Variants in COL21A1 observed in about 807,000 individuals in gnomAD.
The protein encoded by COL21A1 is collagen type XXI alpha 1 chain.
A neutral mutation model predicts 137.9 loss-of-function variants in COL21A1; 149 were observed. The ratio of observed to expected loss-of-function variants is 1.08; its 90% CI spans 0.95 to 1.24. COL21A1 has a LOEUF of 1.24. COL21A1 is among the 50% of genes most tolerant of loss of function. The pLI is 0.00. For missense variants in COL21A1, 1,167 were observed against 1,158.4 expected (o/e 1.01, Z -0.11); for synonymous variants, 456 against 391.5 (o/e 1.16, Z -1.95).
chr6:56,322,681 A>T (rs1233709629), intron 1 of COL21A1, among the ~76,000 whole-genome samples: 2 of 152,062 alleles, frequency 1.3e-5, no homozygotes, highest in Admixed American at 1.3e-4. Flanking sequence ...GATTCTTATA[A>T]ACCTTAAACT....
At chr6:56,274,407 G>T (rs1471092097) in intron 1 of COL21A1, among the ~76,000 whole-genome samples, 1 of 152,052 alleles carries the variant, frequency 6.6e-6, no homozygotes, top group Non-Finnish European at 1.5e-5. Context: ...CATCCAAATA[G>T]GAAAAGAAGA....
chr6:56,112,665 GT>G lies in COL21A1; in HGVS notation c.1759-11141del, dbSNP rs756913598. 2.0e-4 allele frequency among the ~76,000 whole-genome samples: 30 copies of G among 149,230 alleles called. No individual in the cohort carries two copies. The Middle Eastern group carries it at 0.01, about 51-fold the overall frequency. ...CAACTGATGCCTGCCCACAGAAGAA[GT>G]TTTTTTTTCTTTTCTTTTTTCTTTT... On this transcript the variant is annotated intron_variant, in intron 16 of 29. Transcript: ENST00000244728.
chr6:56,324,851 C>T (rs1447882986), intron 1 of COL21A1, among the ~76,000 whole-genome samples: 3 of 151,884 alleles, frequency 2.0e-5, no homozygotes, highest in African/African-American at 4.8e-5. Context: ...TATCTTAAAG[C>T]GGGTCAGTAA....
rs1765385278 is a variant in COL21A1, at chr6:56,056,811, A to G, written c.*846T>C. 1 of 152,178 alleles carries G rather than the reference A, an allele frequency of 6.6e-6. No homozygotes were observed. Among genetic ancestry groups the G allele is most frequent in the African/African-American group, 2.4e-5 (1 of 41,458 alleles). The allele number at this position is 152,178 out of a possible 1,614,324, so 9.4% of individuals were successfully genotyped here. A position where few individuals can be genotyped will look rare whatever the true frequency, so the allele number is the denominator to read the frequency against. On this transcript the variant is annotated 3_prime_UTR_variant, in exon 30 of 30. Transcript: ENST00000244728. ...CAACTAGAGCATTAGCTTTATTTCC[A>G]TTAGCTTTGCTACAATGAAAATTAA... is the stretch of plus-strand genomic sequence containing the variant.
chr6:56,199,940 T>C (rs1375343084), intron 1 of COL21A1, among the ~76,000 whole-genome samples: 1 of 152,184 alleles, frequency 6.6e-6, no homozygotes, highest in Admixed American at 6.6e-5. Flanking sequence ...CAGATACTGG[T>C]AAGTGTATAA....
chr6:56,315,288 G>T (rs979688177), intron 1 of COL21A1, among the ~76,000 whole-genome samples: 3 of 152,148 alleles, frequency 2.0e-5, no homozygotes, highest in African/African-American at 7.2e-5. Context: ...CCTTTTGATT[G>T]ATCCCACGGG....
chr6:56,160,038 T>G (rs887523949), intron 9 of COL21A1, among the ~76,000 whole-genome samples: 20 of 152,240 alleles, frequency 1.3e-4, no homozygotes, highest in African/African-American at 4.6e-4. Context: ...TTGTAGGTTC[T>G]GCTATTGCTG....
At chr6:56,243,252 A>C (rs995818738) in intron 1 of COL21A1, among the ~76,000 whole-genome samples, 12 of 152,170 alleles carry the variant, frequency 7.9e-5, no homozygotes, top group Admixed American at 2.0e-4. Flanking sequence ...AACACAGTCT[A>C]AAAAACTGTT....
intron 1 of COL21A1, among the ~76,000 whole-genome samples, chr6:56,211,657 T>C: frequency 6.6e-6 from 1 of 152,074 alleles, no homozygotes; most frequent in African/African-American, 2.4e-5. Context: ...GAGAGGAAGA[T>C]GTCACTCGAA....
intron 12 of COL21A1, among the ~76,000 whole-genome samples, chr6:56,134,296 C>T (rs532054477): frequency 3.3e-5 from 5 of 152,226 alleles, no homozygotes; most frequent in South Asian, 2.1e-4. Flanking sequence ...TTGACTGCAC[C>T]GCTGGATTTC....
At chr6:56,077,089 A>G (rs62406156) in intron 18 of COL21A1, among the ~76,000 whole-genome samples, 22,982 of 151,376 alleles carry the variant, frequency 0.15, 1,770 homozygotes, top group Middle Eastern at 0.22. Context: ...TCAATTTACT[A>G]AGAGAAAATA....
At position 56,297,305 on chromosome 6, in the gene COL21A1, A is replaced by C. The variant is rs1201064709; in HGVS notation, c.-39+96666T>G. Among the ~76,000 whole-genome samples the C allele has an allele frequency of 2.6e-5, 4 of 152,046 alleles. No homozygotes were observed. The East Asian group carries it at 5.8e-4, about 22-fold the overall frequency. ...AAGTCATCTCAGTAAATTCCTCCCC[A>C]AAAAAACCTGCAAATCTCAGAATTC... is the stretch of plus-strand genomic sequence containing the variant. On this transcript the variant is annotated intron_variant, in intron 1 of 28. Transcript: ENST00000370819.
At chr6:56,388,526 T>A (rs962657155) in intron 1 of COL21A1, among the ~76,000 whole-genome samples, 3 of 152,192 alleles carry the variant, frequency 2.0e-5, no homozygotes, top group African/African-American at 7.2e-5. Context: ...CCTCTAGGAG[T>A]TGGCAAGAGT....
intron 16 of COL21A1, among the ~76,000 whole-genome samples, chr6:56,116,416 A>C (rs537589281): frequency 4.6e-5 from 7 of 150,992 alleles, no homozygotes; most frequent in Admixed American, 4.0e-4. Context: ...AAAAAAAAAA[A>C]AAAAAAAACT....
At chr6:56,365,742 T>G (rs896726872) in intron 1 of COL21A1, among the ~76,000 whole-genome samples, 2 of 152,184 alleles carry the variant, frequency 1.3e-5, no homozygotes, top group African/African-American at 2.4e-5. Context: ...CCTCACAGAC[T>G]GGGAGGGTGG....
Position 56,057,342 on chromosome 6 carries a change from T to C in COL21A1, c.*315A>G, listed in dbSNP as rs1204777934. The C allele has an allele frequency of 3.1e-6, 1 of 318,638 alleles. No homozygotes were observed. Among genetic ancestry groups the C allele is most frequent in the Non-Finnish European group, 5.8e-6 (1 of 171,864 alleles). 19.7% of individuals were successfully genotyped at this position (318,638 alleles called of 1,614,324 possible). A position where few individuals can be genotyped will look rare whatever the true frequency, so the allele number is the denominator to read the frequency against. On this transcript the variant is annotated 3_prime_UTR_variant, in exon 30 of 30. Coordinates refer to ENST00000244728, the MANE Select transcript of COL21A1 (RefSeq NM_030820.4). ...TACTGCATGGAGGCTGAATGTGAAATATTTCACAGTGACTAAAACTGACTG... is the reference window on the plus strand; with the variant it reads ...TACTGCATGGAGGCTGAATGTGAAACATTTCACAGTGACTAAAACTGACTG...
rs1356954678 is a variant in COL21A1, at chr6:56,325,925, T to C, written c.-39+68046A>G. Among the ~76,000 whole-genome samples, 11 of 32,460 alleles carry C rather than the reference T, an allele frequency of 3.4e-4. 1 individual carries two copies. The highest frequency in any genetic ancestry group is 2.1e-3 in the African/African-American group (11 of 5,282). 21.3% of individuals were successfully genotyped at this position (32,460 alleles called of 152,430 possible). ...TATTTACATAATATATATTATATAA[T>C]ATATATAATATATATTATATATTAT... On this transcript the variant is annotated intron_variant, in intron 1 of 28. Transcript: ENST00000370819.
intron 1 of COL21A1, among the ~76,000 whole-genome samples, chr6:56,338,877 T>C (rs1411408896): frequency 6.6e-6 from 1 of 152,122 alleles, no homozygotes; most frequent in Non-Finnish European, 1.5e-5. Context: ...GGGAGAAAGG[T>C]GGTCCCATGA....
intron 1 of COL21A1, among the ~76,000 whole-genome samples, chr6:56,269,414 GGGA>G (rs1191956276): frequency 2.0e-5 from 3 of 152,008 alleles, no homozygotes; most frequent in Non-Finnish European, 4.4e-5. Flanking sequence ...CCAGCACTTT[GGGA>G]GGCCGAGGCG....
Sources: gnomAD v4.1 joint callset for allele counts (sites outside exome capture counted in the v4.1 genomes callset) on GRCh38, gnomAD v4.1.1 for gene constraint, MANE v1.5 for transcripts, NCBI Gene and HGNC (gene_info 2026-07-23, HGNC 2026-07-21) for gene names.